The following BRCA1 variants were observed in gnomAD, a reference collection of about 807,000 sequenced individuals.
The protein encoded by BRCA1 is breast cancer type 1 susceptibility protein.
Under a neutral mutation model 173.7 loss-of-function variants are expected in BRCA1, and 140 were observed. The ratio of observed to expected loss-of-function variants is 0.81; its 90% CI spans 0.70 to 0.93. The LOEUF (loss-of-function observed/expected upper bound fraction) is 0.93, where lower values mean the gene tolerates loss of function less well. BRCA1 is among the 40% of genes least tolerant of loss of function. BRCA1 has a pLI of 0.00. For missense variants in BRCA1, 1,983 were observed against 2,172.5 expected (o/e 0.91, Z 1.73); for synonymous variants, 662 against 756.0 (o/e 0.88, Z 2.04).
At chr17:43,143,028 ATG>A (rs1254863430) in intron 1 of BRCA1, among the ~76,000 whole-genome samples, 8 of 149,512 alleles carry the variant, frequency 5.4e-5, no homozygotes, top group Admixed American at 2.7e-4. Flanking sequence ...ATATGTATAT[ATG>A]TGTGTATATA....
chr17:43,166,154 G>GTGTCTCTC (rs1555605706), intron 1 of BRCA1: 35 of 140,612 alleles, frequency 2.5e-4, no homozygotes, highest in Admixed American at 1.4e-3. Context: ...GTGTGTGTGT[G>GTGTCTCTC]TCTCTCTCTC....
chr17:43,101,265 C>T (rs564392397), intron 6 of BRCA1, among the ~76,000 whole-genome samples: 122 of 149,748 alleles, frequency 8.1e-4, no homozygotes, highest in African/African-American at 2.7e-3. Context: ...GGCGTGATCT[C>T]GGTTCACTGC....
At chr17:43,066,255 G>C (rs1366220699) in intron 16 of BRCA1, among the ~76,000 whole-genome samples, 2 of 152,078 alleles carry the variant, frequency 1.3e-5, no homozygotes, top group Non-Finnish European at 2.9e-5. Context: ...AAAAGAGAAA[G>C]GTATAGGACA....
chr17:43,088,420 T>C (rs1313260374), intron 11 of BRCA1, among the ~76,000 whole-genome samples: 1 of 152,108 alleles, frequency 6.6e-6, no homozygotes, highest in Non-Finnish European at 1.5e-5. Flanking sequence ...CTATAGGCAA[T>C]GTACCCAGAG....
intron 6 of BRCA1, among the ~76,000 whole-genome samples, chr17:43,100,289 G>A (rs2054326908): frequency 6.6e-6 from 1 of 151,090 alleles, no homozygotes; most frequent in Non-Finnish European, 1.5e-5. Flanking sequence ...TATTAATATA[G>A]CATATTTTGA....
At chr17:43,067,238 T>TATTC (rs1381062563) in intron 16 of BRCA1, 9 of 251,340 alleles carry the variant, frequency 3.6e-5, no homozygotes, top group Non-Finnish European at 6.2e-5. Context: ...GCTCAACAAA[T>TATTC]ATTCTTATTT....
At chr17:43,079,610 T>C in intron 12 of BRCA1, 2 of 840,054 alleles carry the variant, frequency 2.4e-6, no homozygotes, top group Non-Finnish European at 4.2e-6. Context: ...CCAAGACAGC[T>C]TCCTGAAACG....
At chr17:43,080,362 AT>A (rs2052948403) in intron 12 of BRCA1, among the ~76,000 whole-genome samples, 1 of 152,136 alleles carries the variant, frequency 6.6e-6, no homozygotes, top group African/African-American at 2.4e-5. Context: ...CGCCCGGCTA[AT>A]TTTTTGTAGT....
At chr17:43,138,268 T>C in intron 1 of BRCA1, 1 of 207,172 alleles carries the variant, frequency 4.8e-6, no homozygotes. Flanking sequence ...TCTGGCAGCC[T>C]TTTTCAATGA....
chr17:43,099,103 G>A (rs537603936), intron 7 of BRCA1, among the ~76,000 whole-genome samples: 177 of 151,416 alleles, frequency 1.2e-3, no homozygotes, highest in African/African-American at 4.1e-3. Flanking sequence ...GATTACAGGC[G>A]TGAGCCACTG....
intron 1 of BRCA1, among the ~76,000 whole-genome samples, chr17:43,143,013 CAT>C (rs1472753829): frequency 7.3e-6 from 1 of 136,800 alleles, no homozygotes; most frequent in Non-Finnish European, 1.6e-5. Context: ...TATATGTGTG[CAT>C]ATATATGTAT....
rs548497799 is a variant in BRCA1 at position 43,115,789 on chromosome 17, T to C, written c.81-10A>G. ...CTTGATCAACTCCAGACTAGCAGGG[T>C]AGGGGGGGAGAAAAAGAAAATAAAT... On this transcript the variant is annotated splice_polypyrimidine_tract_variant and intron_variant, in intron 2 of 22. Transcript: ENST00000357654. 6.2e-7 allele frequency: 1 copy of C among 1,611,464 alleles called. No homozygotes were observed. The highest frequency in any genetic ancestry group is 8.5e-7 in the Non-Finnish European group (1 of 1,178,860).
At chr17:43,077,353 C>T (rs1357687744) in intron 12 of BRCA1, among the ~76,000 whole-genome samples, 6 of 147,830 alleles carry the variant, frequency 4.1e-5, no homozygotes, top group African/African-American at 7.5e-5. Flanking sequence ...TTTTTTGAGA[C>T]GGAGTCTCAC....
Position 43,094,414 on chromosome 17 carries a change from T to A in BRCA1, c.1117A>T (p.Ile373Leu). Residue 373 changes from isoleucine to leucine, a missense_variant, in exon 10 of 23, where the codon ATA (isoleucine) becomes TTA (leucine). Transcript: ENST00000357654. ...TTCTGAATGCTGCTATTTAGTGTTA[T>A]CCAAGGAACATCTTCAGTATCTCTA... ...NPRDTEDVPW[I>L]TLNSSIQKVN... 1 of 1,614,198 alleles carries A rather than the reference T, an allele frequency of 6.2e-7. No individual in the cohort carries two copies. Among genetic ancestry groups the A allele is most frequent in the Non-Finnish European group, 8.5e-7 (1 of 1,180,038 alleles).
rs80356959 is a variant in BRCA1 at position 43,045,761 on chromosome 17, A to G, written c.5509T>C (p.Trp1837Arg). 1 of 1,613,792 alleles carries G rather than the reference A, an allele frequency of 6.2e-7. No individual in the cohort carries two copies. Among genetic ancestry groups the G allele is most frequent in the South Asian group, 1.1e-5 (1 of 91,054 alleles). Residue 1837 changes from tryptophan (W) to arginine (R), a missense_variant, in exon 23 of 23, where the codon TGG (tryptophan) becomes CGG (arginine). Physicochemically the swap from Trp to Arg is moderately radical, Grantham distance 101. Coordinates refer to ENST00000357654, the MANE Select transcript of BRCA1 (RefSeq NM_007294.4). ...TAGAGTGCTACACTGTCCAACACCC[A>G]CTCTCGGGTCACCACAGGTGCCTCA... is the stretch of plus-strand genomic sequence containing the variant. Reference protein sequence around the residue: ...MCEAPVVTREWVLDSVALYQC... With the variant: ...MCEAPVVTRERVLDSVALYQC...
chr17:43,056,138 G>A (rs2051445054), intron 19 of BRCA1, among the ~76,000 whole-genome samples: 2 of 151,474 alleles, frequency 1.3e-5, no homozygotes, highest in Admixed American at 1.3e-4. Context: ...GTTAAAACAT[G>A]GTTGGGCCTT....
chr17:43,094,714 G>A lies in BRCA1; in HGVS notation c.817C>T (p.Pro273Ser), dbSNP rs1597879824. 6.2e-7 allele frequency: 1 copy of A among 1,611,704 alleles called. No individual in the cohort carries two copies. Among genetic ancestry groups the A allele is most frequent in the Middle Eastern group, 1.7e-4 (1 of 6,054 alleles). The change falls in exon 10 of 23, where the codon CCA becomes TCA. Residue 273 changes from proline (P) to serine (S), a missense_variant. Transcript: ENST00000357654. ...GSSVSNLHVE[P>S]CGTNTHASSL... Reference sequence around the variant, plus strand: ...CTGGCATGAGTATTTGTGCCACATGGCTCCACATGCAAGTTTGAAACAGAA... The same window carrying A: ...CTGGCATGAGTATTTGTGCCACATGACTCCACATGCAAGTTTGAAACAGAA...
intron 1 of BRCA1, chr17:43,159,633 A>G (rs1297852185): frequency 1.6e-5 from 4 of 251,894 alleles, no homozygotes; most frequent in South Asian, 1.2e-4. Flanking sequence ...CATCACAGAT[A>G]CTTGAAGGCA....
intron 14 of BRCA1, among the ~76,000 whole-genome samples, 159 bp from the exon 15 acceptor site, chr17:43,071,397 T>C (rs2052438869): frequency 6.6e-6 from 1 of 152,202 alleles, no homozygotes; most frequent in Non-Finnish European, 1.5e-5. Flanking sequence ...CTTAGTTTCC[T>C]AAAAAGGAAA....
Sources: gnomAD v4.1 joint callset for allele counts (sites outside exome capture counted in the v4.1 genomes callset) on GRCh38, gnomAD v4.1.1 for gene constraint, MANE v1.5 for transcripts, NCBI Gene and HGNC (gene_info 2026-07-23, HGNC 2026-07-21) for gene names.